Variants in IGSF10 observed in about 807,000 individuals in gnomAD.
IGSF10 encodes immunoglobulin superfamily member 10, also known as calvaria mechanical force protein 608.
IGSF10 carries 126 observed loss-of-function variants against 128.2 expected under a neutral mutation model. The ratio of observed to expected loss-of-function variants is 0.98; its 90% CI spans 0.85 to 1.14. IGSF10 has a LOEUF of 1.14. IGSF10 is among the 50% of genes most tolerant of loss of function. The probability of loss-of-function intolerance (pLI) is 0.00; values close to 1 mark genes in which losing one functional copy is unlikely to be tolerated. For missense variants in IGSF10, 3,295 were observed against 3,149.8 expected (o/e 1.05, Z -1.10); for synonymous variants, 1,185 against 1,146.2 (o/e 1.03, Z -0.68).
the IGSF10 span, among the ~76,000 whole-genome samples, chr3:151,505,248 A>G: frequency 6.6e-6 from 1 of 152,188 alleles, no homozygotes; most frequent in Non-Finnish European, 1.5e-5. Context: ...CATGGTGGAA[A>G]AGGAAGCAAA....
chr3:151,489,479 C>T, the IGSF10 span, among the ~76,000 whole-genome samples: 3 of 152,092 alleles, frequency 2.0e-5, no homozygotes, highest in African/African-American at 4.8e-5. Context: ...TGGGTATATA[C>T]CCAGAGGATT....
At chr3:151,614,334 G>A in the IGSF10 span, among the ~76,000 whole-genome samples, 1 of 152,138 alleles carries the variant, frequency 6.6e-6, no homozygotes, top group Admixed American at 6.5e-5. Context: ...TATACCCAAA[G>A]GACTATAAAT....
At chr3:151,494,294 T>C in the IGSF10 span, among the ~76,000 whole-genome samples, 1 of 41,958 alleles carries the variant, frequency 2.4e-5, no homozygotes, top group African/African-American at 1.3e-4. Context: ...AAACAATGAT[T>C]TTTCAACATC....
rs368680359 is a variant in IGSF10, at chr3:151,447,877, C to T, written c.2104G>A (p.Ala702Thr). 9.3e-6 allele frequency: 15 copies of T among 1,613,970 alleles called. No homozygotes were observed. In the Admixed American group the frequency reaches 1.0e-4, roughly 11 times the overall value. Residue 702 changes from alanine to threonine, a missense_variant, in exon 6 of 8, where the codon GCT becomes ACT. Ala to Thr is a moderately conservative substitution (Grantham distance 58). Transcript: ENST00000282466. The part of the protein sequence containing the change: ...EPPGAQLRTS[A>T]LMEAEVGKHT... ...TTTCCAACCTCAGCCTCCATCAGAG[C>T]AGATGTACGGAGTTGTGCACCTGGT...
At chr3:151,476,470 C>A in the IGSF10 span, among the ~76,000 whole-genome samples, 1 of 152,300 alleles carries the variant, frequency 6.6e-6, no homozygotes, top group African/African-American at 2.4e-5. Flanking sequence ...TCTGACGTAA[C>A]TGCTACATTG....
At chr3:151,442,927 A>G (rs761690047) in intron 7 of IGSF10, 57 bp downstream of exon 7, 2 of 1,474,636 alleles carry the variant, frequency 1.4e-6, no homozygotes, top group Non-Finnish European at 1.8e-6. Flanking sequence ...TCCATTTCAG[A>G]AGTTGTACAG....
upstream of IGSF10, chr3:151,461,411 GTT>G: frequency 1.0e-6 from 1 of 984,850 alleles, no homozygotes. Context: ...CTAAGTTAGC[GTT>G]AATGACCTGT....
the IGSF10 span, among the ~76,000 whole-genome samples, chr3:151,480,132 C>T: frequency 1.3e-5 from 2 of 152,134 alleles, no homozygotes; most frequent in Non-Finnish European, 2.9e-5. Context: ...GCTCCTAGAG[C>T]TCTTCTTCCC....
chr3:151,490,070 C>T, the IGSF10 span, among the ~76,000 whole-genome samples: 1 of 152,098 alleles, frequency 6.6e-6, no homozygotes, highest in African/African-American at 2.4e-5. Context: ...TTAATTTAAA[C>T]ATTAAATTCT....
chr3:151,568,571 T>C, the IGSF10 span, among the ~76,000 whole-genome samples: 1 of 152,206 alleles, frequency 6.6e-6, no homozygotes, highest in East Asian at 1.9e-4. Flanking sequence ...TTCACCCCTG[T>C]GTGTAATAAG....
At chr3:151,526,911 GCTTGAT>G in the IGSF10 span, among the ~76,000 whole-genome samples, 1 of 152,194 alleles carries the variant, frequency 6.6e-6, no homozygotes, top group African/African-American at 2.4e-5. Context: ...GTGGCCACCA[GCTTGAT>G]CTTGGTATGT....
chr3:151,587,576 G>A, the IGSF10 span, among the ~76,000 whole-genome samples: 1 of 152,014 alleles, frequency 6.6e-6, no homozygotes, highest in Admixed American at 6.6e-5. Flanking sequence ...ATGACACTAT[G>A]AATTATTTTT....
chr3:151,521,883 T>C, the IGSF10 span, among the ~76,000 whole-genome samples: 1 of 151,590 alleles, frequency 6.6e-6, no homozygotes, highest in African/African-American at 2.4e-5. Context: ...GAAACTGAGA[T>C]ACAAAAAACC....
At chr3:151,464,262 CCT>C (rs766388843), upstream of IGSF10, among the ~76,000 whole-genome samples, 1 of 152,132 alleles carries the variant, frequency 6.6e-6, no homozygotes, top group Non-Finnish European at 1.5e-5. Context: ...AAATCCTCCC[CCT>C]CTTTTTGTTA....
chr3:151,617,198 TTCCTCC>T, the IGSF10 span, among the ~76,000 whole-genome samples: 54 of 129,622 alleles, frequency 4.2e-4, no homozygotes, highest in African/African-American at 1.1e-3. Flanking sequence ...TCCTCCTTCT[TTCCTCC>T]TCCTCCTCCT....
chr3:151,476,306 G>A, the IGSF10 span: 2 of 152,648 alleles, frequency 1.3e-5, no homozygotes, highest in African/African-American at 4.8e-5. Context: ...TTTGAACCCT[G>A]AGAGTGTGCC....
intron 7 of IGSF10, 46 bp downstream of exon 7, chr3:151,442,938 C>A: frequency 6.5e-7 from 1 of 1,537,650 alleles, no homozygotes. Flanking sequence ...AGTTGTACAG[C>A]TAAATACATA....
At chr3:151,460,659 TCTC>T (rs1722003947) in intron 1 of IGSF10, among the ~76,000 whole-genome samples, 1 of 152,172 alleles carries the variant, frequency 6.6e-6, no homozygotes, top group South Asian at 2.1e-4. Context: ...CCCAAGAGCT[TCTC>T]CTCAAATTGT....
At chr3:151,514,837 C>T in the IGSF10 span, among the ~76,000 whole-genome samples, 1 of 152,168 alleles carries the variant, frequency 6.6e-6, no homozygotes, top group African/African-American at 2.4e-5. Context: ...CAAAAGAAGA[C>T]ATTTATGCAG....
Sources: allele counts gnomAD v4.1 joint callset (sites outside exome capture counted in the v4.1 genomes callset), GRCh38; gene constraint gnomAD v4.1.1; transcripts MANE v1.5; gene names NCBI Gene and HGNC (gene_info 2026-07-23, HGNC 2026-07-21).